Variants in MYO15B observed in about 807,000 individuals in gnomAD.
MYO15B encodes myosin XVB.
A neutral mutation model predicts 119.3 loss-of-function variants in MYO15B; 207 were observed. The observed-to-expected ratio is 1.73, with a 90% CI of 1.55 to 1.95. The LOEUF (loss-of-function observed/expected upper bound fraction) is 1.95, where lower values mean the gene tolerates loss of function less well. MYO15B is among the 30% of genes most tolerant of loss of function. The pLI, the probability that MYO15B is intolerant of heterozygous loss-of-function variation, is 0.00. For missense variants in MYO15B, 2,264 were observed against 1,203.1 expected (o/e 1.88, Z -13.04); for synonymous variants, 966 against 498.9 (o/e 1.94, Z -12.48).
intron 14 of MYO15B, among the ~76,000 whole-genome samples, chr17:75,600,121 G>A (rs1372296736): frequency 6.7e-6 from 1 of 148,454 alleles, no homozygotes; most frequent in African/African-American, 2.5e-5. Context: ...CCGCCTCTCG[G>A]GTTCACGCCA....
At chr17:75,609,889 C>T (rs2057909316) in intron 21 of MYO15B, among the ~76,000 whole-genome samples, 1 of 152,076 alleles carries the variant, frequency 6.6e-6, no homozygotes, top group Non-Finnish European at 1.5e-5. Flanking sequence ...CGGGGTTTCA[C>T]CATGTTGGCC....
chr17:75,613,752 C>G (rs139523993), exon 29 of MYO15B: 3 of 702,362 alleles, frequency 4.3e-6, no homozygotes, highest in Non-Finnish European at 7.8e-6. Flanking sequence ...CGGGGAGCAG[C>G]TGGCTGGGTG....
intron 12 of MYO15B, among the ~76,000 whole-genome samples, chr17:75,595,990 C>T (rs1474976182): frequency 6.6e-6 from 1 of 152,196 alleles, no homozygotes; most frequent in Non-Finnish European, 1.5e-5. Flanking sequence ...GTGATGGTGG[C>T]CTGTGTGTGC....
At chr17:75,611,931 C>T (rs765340348) in exon 25 of MYO15B, 1 of 703,028 alleles carries the variant, frequency 1.4e-6, no homozygotes. Context: ...TGCCTGCCGC[C>T]TGAGGTTCCT....
chr17:75,622,513 G>T lies in MYO15B; in HGVS notation c.8082+433G>T, dbSNP rs116278164. Among the ~76,000 whole-genome samples the T allele has an allele frequency of 7.2e-3, 1,099 of 152,322 alleles. 10 individuals carry two copies. The highest frequency in any genetic ancestry group is 0.025 in the African/African-American group (1,049 of 41,568). ...GGAGGATGAGGATGGGGAGCGGATG[G>T]TGGGTCCAGGCCACCACAGGCCTTG... On this transcript the variant is annotated intron_variant, in intron 53 of 63. Transcript: ENST00000645453.
chr17:75,617,276 C>G, exon 41 of MYO15B: 1 of 665,474 alleles, frequency 1.5e-6, no homozygotes, highest in Non-Finnish European at 2.7e-6. Context: ...TGCCCGAGGA[C>G]CCAGGGACCC....
exon 46 of MYO15B, chr17:75,619,778 T>A (rs892875002): frequency 2.8e-6 from 2 of 702,848 alleles, no homozygotes; most frequent in Admixed American, 2.0e-5. Flanking sequence ...CCCGACCAGC[T>A]GAAGATTCTC....
intron 33 of MYO15B, 25 bp downstream of exon 33, chr17:75,615,067 C>T (rs1468735501): frequency 1.0e-5 from 7 of 699,078 alleles, no homozygotes; most frequent in African/African-American, 5.3e-5. Context: ...GATTCCTCAC[C>T]CAGGGCCTCC....
intron 19 of MYO15B, among the ~76,000 whole-genome samples, chr17:75,603,783 G>C (rs1295649853): frequency 6.6e-6 from 1 of 152,342 alleles, no homozygotes; most frequent in East Asian, 1.9e-4. Flanking sequence ...TCTGTTCCCA[G>C]AGTTCAGAAA....
At position 75,588,304 on chromosome 17, in the gene MYO15B, G is replaced by GAC. The variant is rs2056190952; in HGVS notation, c.247_248insAC (p.Gly83AspfsTer287). The stretch of plus-strand genomic sequence containing the variant: ...CGGCGGCTGCAGACGCCCAGGGGCT[G>GAC]GGCTGTCCCCGAAAGCCCAGGAGAG... On this transcript the variant is annotated frameshift_variant, in exon 1 of 64. Coordinates refer to ENST00000645453, the Ensembl canonical transcript of MYO15B. LOFTEE classifies it high-confidence loss of function. The GAC allele has an allele frequency of 2.5e-6, 1 of 398,262 alleles. No homozygotes were observed. Among genetic ancestry groups the GAC allele is most frequent in the African/African-American group, 2.1e-5 (1 of 48,634 alleles). 24.7% of individuals were successfully genotyped at this position (398,262 alleles called of 1,614,324 possible).
At chr17:75,592,212 C>T (rs1206810311) in intron 6 of MYO15B, 26 bp from the exon 7 acceptor site, 2 of 702,466 alleles carry the variant, frequency 2.8e-6, no homozygotes, top group Admixed American at 2.0e-5. Context: ...ATCCTGGGCA[C>T]TCACACCCAT....
Position 75,621,475 on chromosome 17 carries a change from C to T in MYO15B, c.7936-26C>T, listed in dbSNP as rs953643953. ...CTCTGACCCCCACGGCCCCCCAGAC[C>T]CATGGCCTCCTCTCTTTGGCCACAG... On this transcript the variant is annotated intron_variant, in intron 51 of 63. Coordinates refer to ENST00000645453, the Ensembl canonical transcript of MYO15B. 5.7e-6 allele frequency: 4 copies of T among 701,288 alleles called. No individual in the cohort carries two copies. In the African/African-American group the frequency reaches 7.0e-5, roughly 12 times the overall value. The allele number at this position is 701,288 out of a possible 1,614,324, so 43.4% of individuals were successfully genotyped here.
chr17:75,623,665 G>A, intron 53 of MYO15B, 116 bp from the exon 54 acceptor site: 1 of 654,318 alleles, frequency 1.5e-6, no homozygotes, highest in Non-Finnish European at 2.8e-6. Flanking sequence ...GTCTTAAGCT[G>A]AGAGAGACAT....
At chr17:75,602,379 G>C (rs745396597) in intron 15 of MYO15B, 138 bp from the exon 16 acceptor site, 2 of 700,688 alleles carry the variant, frequency 2.9e-6, no homozygotes, top group South Asian at 3.0e-5. Context: ...CTAGGTAAAG[G>C]GCTGGAAACA....
At chr17:75,593,220 AG>A (rs1234496898) in intron 9 of MYO15B, among the ~76,000 whole-genome samples, 2 of 127,328 alleles carry the variant, frequency 1.6e-5, no homozygotes, top group Non-Finnish European at 3.3e-5. Flanking sequence ...AAAAAAAAAA[AG>A]GGTTGGCGGT....
chr17:75,621,342 C>A lies in MYO15B; in HGVS notation c.7872-3C>A. On this transcript the variant is annotated splice_region_variant and splice_polypyrimidine_tract_variant and intron_variant, in intron 50 of 63. Transcript: ENST00000645453. ...CTGGGCTGTCTCCCTCTGCCCCCCACAGGCTGGGCCAGACTGATGGAGGTG... is the reference window on the plus strand; with the variant it reads ...CTGGGCTGTCTCCCTCTGCCCCCCAAAGGCTGGGCCAGACTGATGGAGGTG... The A allele has an allele frequency of 1.4e-6, 1 of 697,730 alleles. No individual in the cohort carries two copies. The highest frequency in any genetic ancestry group is 2.6e-6 in the Non-Finnish European group (1 of 381,160). The allele number at this position is 697,730 out of a possible 1,614,324, so 43.2% of individuals were successfully genotyped here.
chr17:75,599,808 T>C (rs975103478), intron 14 of MYO15B, among the ~76,000 whole-genome samples: 4 of 149,672 alleles, frequency 2.7e-5, no homozygotes, highest in African/African-American at 9.8e-5. Flanking sequence ...GGCAGGAGAA[T>C]GGCATGAACC....
At chr17:75,617,368 C>A in intron 41 of MYO15B, 64 bp downstream of exon 41, 1 of 575,664 alleles carries the variant, frequency 1.7e-6, no homozygotes, top group South Asian at 2.1e-5. Flanking sequence ...TTCGCACAGA[C>A]TCTCGGTGCC....
In MYO15B at chr17:75,616,379, G is replaced by A. The variant is rs148123553; in HGVS notation, c.6177G>A (p.Ala2059=). ...AGGTCCACATCCCCCAGGGGGAAGC[G>A]CAGGAGGAGGAGGAGGAGGAGGAGG... The change falls in exon 38 of 64, where the codon GCG becomes GCA. Residue 2059 remains alanine (A), a synonymous_variant. Coordinates refer to ENST00000645453, the Ensembl canonical transcript of MYO15B. The A allele has an allele frequency of 2.0e-3, 1,252 of 619,038 alleles. 10 individuals are homozygous for A. Among genetic ancestry groups the A allele is most frequent in the African/African-American group, 0.019 (1,013 of 54,190 alleles). The allele number at this position is 619,038 out of a possible 1,614,324, so 38.3% of individuals were successfully genotyped here.
Sources: gnomAD v4.1 joint callset for allele counts (sites outside exome capture counted in the v4.1 genomes callset) on GRCh38, gnomAD v4.1.1 for gene constraint, MANE v1.5 for transcripts, NCBI Gene and HGNC (gene_info 2026-07-23, HGNC 2026-07-21) for gene names.